Variants in PHIP observed in about 807,000 individuals in gnomAD.
PHIP encodes PH-interacting protein.
Under a neutral mutation model 236.8 loss-of-function variants are expected in PHIP, and 54 were observed. The observed-to-expected ratio is 0.23, with a 90% CI of 0.18 to 0.29. The LOEUF is 0.29. PHIP is among the 10% of genes least tolerant of loss of function. The pLI, the probability that PHIP is intolerant of heterozygous loss-of-function variation, is 1.00. For synonymous variants in PHIP, 756 were observed against 718.9 expected (o/e 1.05, Z -0.83); for missense variants, 1,370 against 2,190.8 (o/e 0.63, Z 7.48).
chr6:78,941,195 A>G lies in PHIP; in HGVS notation c.4964T>C (p.Ile1655Thr), dbSNP rs1373651838. The change falls in exon 40 of 40, where the codon ATA (isoleucine) becomes ACA (threonine). Residue 1655 changes from isoleucine (I) to threonine (T), a missense_variant. This residue lies in a region of PHIP where 309 missense variants were observed against 328.3 expected (regional missense o/e 0.94). Transcript: ENST00000275034. ...VEVNTNSGEI[I>T]HKKRGRKPKK... ...GGGCTTTCTACCCCTTTTCTTGTGTATAATTTCACCACTATTGGTATTAAC... is the reference window on the plus strand; with the variant it reads ...GGGCTTTCTACCCCTTTTCTTGTGTGTAATTTCACCACTATTGGTATTAAC... 4 of 1,613,962 alleles carry G rather than the reference A, an allele frequency of 2.5e-6. No individual in the cohort carries two copies. Among genetic ancestry groups the G allele is most frequent in the South Asian group, 1.1e-5 (1 of 91,072 alleles).
At position 79,009,327 on chromosome 6, in the gene PHIP, T is replaced by A. The variant is rs137980892; in HGVS notation, c.1525-5469A>T. On this transcript the variant is annotated intron_variant, in intron 15 of 39. Transcript: ENST00000275034. ...GACACTTAGCTTTTTATAATGTTCC[T>A]CTTGTTTATAAAATTCATTCTCTTT... Among the ~76,000 whole-genome samples the A allele has an allele frequency of 6.4e-4, 98 of 152,238 alleles. 2 individuals carry two copies. The highest frequency in any genetic ancestry group is 2.4e-4 in the Non-Finnish European group (16 of 67,950).
intron 6 of PHIP, 150 bp from the exon 7 acceptor site, chr6:79,043,153 A>G (rs1772307678): frequency 3.2e-6 from 2 of 617,794 alleles, no homozygotes; most frequent in African/African-American, 3.8e-5. Context: ...AAAAGTCTTT[A>G]AAGTAATGAA....
rs1172950036 is a variant in PHIP at position 79,078,051 on chromosome 6, T to G, written c.18A>C (p.Lys6Asn). 1 of 1,608,882 alleles carries G rather than the reference T, an allele frequency of 6.2e-7. No individual in the cohort carries two copies. Among genetic ancestry groups the G allele is most frequent in the Non-Finnish European group, 8.5e-7 (1 of 1,179,292 alleles). The change falls in exon 1 of 40, where the codon AAA becomes AAC. Residue 6 changes from lysine to asparagine, a missense_variant. Lys to Asn is a moderately conservative substitution (Grantham distance 94). Around this residue, in one of 14 missense-constraint regions of PHIP, gnomAD observed 43 missense variants for 53.8 expected, o/e 0.80. Coordinates refer to ENST00000275034, the MANE Select transcript of PHIP (RefSeq NM_017934.7). Reference sequence around the variant, plus strand: ...TACCCGATCGCAGCTCCGAGAGGCCTTTCCTCTCACAAGACATGTTTATGG... The same window carrying G: ...TACCCGATCGCAGCTCCGAGAGGCCGTTCCTCTCACAAGACATGTTTATGG... MSCER[K>N]GLSELRSELY...
chr6:78,985,274 C>A, intron 22 of PHIP, 78 bp downstream of exon 22: 1 of 777,026 alleles, frequency 1.3e-6, no homozygotes, highest in Non-Finnish European at 2.2e-6. Flanking sequence ...GACTTTGAAA[C>A]GTGTTGCTGG....
chr6:79,005,234 A>G (rs1770222123), intron 15 of PHIP, among the ~76,000 whole-genome samples: 1 of 152,042 alleles, frequency 6.6e-6, no homozygotes, highest in African/African-American at 2.4e-5. Flanking sequence ...GTGTGAAGAA[A>G]GTTGGAGGAT....
intron 6 of PHIP, among the ~76,000 whole-genome samples, chr6:79,059,454 C>T (rs1773243736): frequency 6.6e-6 from 1 of 151,326 alleles, no homozygotes; most frequent in Non-Finnish European, 1.5e-5. Flanking sequence ...TAGATTTAAA[C>T]CCAAGTACAT....
intron 27 of PHIP, 145 bp downstream of exon 27, chr6:78,969,690 A>C: frequency 2.2e-6 from 1 of 446,632 alleles, no homozygotes; most frequent in South Asian, 6.3e-5. Flanking sequence ...CCTCTGACAT[A>C]GTATCTTACT....
chr6:78,988,738 T>G (rs1769025487), intron 20 of PHIP, among the ~76,000 whole-genome samples: 1 of 151,086 alleles, frequency 6.6e-6, no homozygotes, highest in South Asian at 2.1e-4. Context: ...AAATGCTGTT[T>G]TTTTTTTTTC....
rs1773288126 is a variant in PHIP, at chr6:78,936,838, CA to C, written c.*3854del. On this transcript the variant is annotated 3_prime_UTR_variant, in exon 40 of 40. Coordinates refer to ENST00000275034, the MANE Select transcript of PHIP (RefSeq NM_017934.7). ...AGCAAACTTTGCTCAGTATAATTAA[CA>C]AAAATAGTTTCTTAGTAAATGTAAT... 6.6e-6 allele frequency: 1 copy of C among 151,616 alleles called. No individual in the cohort carries two copies. The highest frequency in any genetic ancestry group is 2.4e-5 in the African/African-American group (1 of 41,380). The allele number at this position is 151,616 out of a possible 1,614,324, so 9.4% of individuals were successfully genotyped here.
In PHIP at chr6:78,990,890, T is replaced by A. The variant is rs1433637016; in HGVS notation, c.2297A>T (p.Asn766Ile). Reference protein sequence around the residue: ...KRKHLTVPKENKIPTVSKNHA... With the variant: ...KRKHLTVPKEIKIPTVSKNHA... ...TACCTTTGAGACAGTGGGTATTTTATTCTCTTTTGGAACAGTTAAGTGTTT... is the reference window on the plus strand; with the variant it reads ...TACCTTTGAGACAGTGGGTATTTTAATCTCTTTTGGAACAGTTAAGTGTTT... Residue 766 changes from asparagine (N) to isoleucine (I), a missense_variant, in exon 20 of 40, where the codon AAT (asparagine) becomes ATT (isoleucine). Coordinates refer to ENST00000275034, the MANE Select transcript of PHIP (RefSeq NM_017934.7). The A allele has an allele frequency of 1.9e-6, 3 of 1,589,838 alleles. No homozygotes were observed. Among genetic ancestry groups the A allele is most frequent in the South Asian group, 1.1e-5 (1 of 89,698 alleles).
At chr6:79,001,072 T>A (rs1769961505) in intron 17 of PHIP, among the ~76,000 whole-genome samples, 1 of 152,092 alleles carries the variant, frequency 6.6e-6, no homozygotes, top group Admixed American at 6.6e-5. Flanking sequence ...ACACAAAAGC[T>A]ACTTAGAAGC....
intron 6 of PHIP, among the ~76,000 whole-genome samples, chr6:79,048,688 TCTAA>T (rs762981128): frequency 5.9e-5 from 9 of 152,216 alleles, no homozygotes; most frequent in Non-Finnish European, 8.8e-5. Context: ...ATTATTGTTT[TCTAA>T]CTGTTAATAA....
intron 39 of PHIP, among the ~76,000 whole-genome samples, chr6:78,944,112 A>AG (rs934187535): frequency 1.3e-5 from 2 of 151,716 alleles, no homozygotes; most frequent in African/African-American, 4.9e-5. Flanking sequence ...TTAAACTAGG[A>AG]GGGAAAAAAA....
Position 78,958,540 on chromosome 6 carries a change from A to G in PHIP, c.3717T>C (p.Asn1239=). Reference sequence around the variant, plus strand: ...ATTTCACAATAGGGCTTCCAGGCTCATTAAATGTTCGTGTATTATGCTCTA... The same window carrying G: ...ATTTCACAATAGGGCTTCCAGGCTCGTTAAATGTTCGTGTATTATGCTCTA... ...RYIEHNTRTF[N]EPGSPIVKSA... The change falls in exon 32 of 40, where the codon AAT becomes AAC. Residue 1239 remains asparagine, a synonymous_variant. Coordinates refer to ENST00000275034, the MANE Select transcript of PHIP (RefSeq NM_017934.7). The G allele has an allele frequency of 6.3e-7, 1 of 1,581,382 alleles. No homozygotes were observed. Among genetic ancestry groups the G allele is most frequent in the Non-Finnish European group, 8.7e-7 (1 of 1,150,696 alleles).
At chr6:78,972,180 T>C (rs1340194689) in intron 24 of PHIP, among the ~76,000 whole-genome samples, 1 of 152,176 alleles carries the variant, frequency 6.6e-6, no homozygotes, top group Non-Finnish European at 1.5e-5. Context: ...GCTGGAGATA[T>C]GAGAACGGGC....
At chr6:78,962,986 A>G in intron 30 of PHIP, 111 bp downstream of exon 30, 1 of 827,944 alleles carries the variant, frequency 1.2e-6, no homozygotes, top group Non-Finnish European at 1.9e-6. Context: ...AATGTCTGAA[A>G]CCACTGACTT....
intron 7 of PHIP, among the ~76,000 whole-genome samples, chr6:79,031,208 T>A (rs1771658456): frequency 1.3e-5 from 2 of 152,216 alleles, no homozygotes; most frequent in African/African-American, 4.8e-5. Flanking sequence ...CCTCCTAAAG[T>A]GCTGGGATTA....
At chr6:79,022,726 C>T (rs1771181667) in intron 9 of PHIP, among the ~76,000 whole-genome samples, 1 of 152,170 alleles carries the variant, frequency 6.6e-6, no homozygotes, top group South Asian at 2.1e-4. Context: ...CTGGAGCTAG[C>T]TTATGGTTCA....
intron 19 of PHIP, 86 bp from the exon 20 acceptor site, chr6:78,991,071 G>T: frequency 5.4e-6 from 4 of 734,208 alleles, no homozygotes; most frequent in Non-Finnish European, 9.3e-6. Context: ...GGAAAGGAAC[G>T]CTACTCCTGA....
Sources: gnomAD v4.1 joint callset for allele counts (sites outside exome capture counted in the v4.1 genomes callset) on GRCh38, gnomAD v4.1.1 for gene constraint, gnomAD v4.1.1 regional missense constraint, MANE v1.5 for transcripts, NCBI Gene and HGNC (gene_info 2026-07-23, HGNC 2026-07-21) for gene names.